Variants in VWC2 observed in about 807,000 individuals in gnomAD.
VWC2 encodes brorin.
VWC2 carries 14 observed loss-of-function variants against 29.8 expected under a neutral mutation model. That is an observed-to-expected ratio of 0.47 (90% confidence interval 0.31 to 0.74). The LOEUF (loss-of-function observed/expected upper bound fraction) is 0.74, where lower values mean the gene tolerates loss of function less well. Among genes scored for constraint, VWC2 ranks in the 30% least tolerant of loss-of-function variants. VWC2 has a pLI of 0.05. For synonymous variants in VWC2, 213 were observed against 199.0 expected (o/e 1.07, Z -0.59); for missense variants, 457 against 459.8 (o/e 0.99, Z 0.05).
intron 3 of VWC2, among the ~76,000 whole-genome samples, chr7:49,880,829 G>A (rs921879548): frequency 2.0e-5 from 3 of 151,938 alleles, no homozygotes; most frequent in Non-Finnish European, 2.9e-5. Context: ...ATTATGCCAC[G>A]GGAAGCTCTT....
At position 49,773,660 on chromosome 7, in the gene VWC2, C is replaced by G; in HGVS notation, c.-557C>G. 1 of 152,752 alleles carries G rather than the reference C, an allele frequency of 6.5e-6. No homozygotes were observed. The highest frequency in any genetic ancestry group is 2.0e-4 in the South Asian group (1 of 5,010). The allele number at this position is 152,752 out of a possible 1,614,324, so 9.5% of individuals were successfully genotyped here. A position where few individuals can be genotyped will look rare whatever the true frequency, so the allele number is the denominator to read the frequency against. Reference sequence around the variant, plus strand: ...GGCGCGCTAGCTCCCATGCTGGCCTCGGTGCCACTCGCGCGCCGGCCGCGC... The same window carrying G: ...GGCGCGCTAGCTCCCATGCTGGCCTGGGTGCCACTCGCGCGCCGGCCGCGC... On this transcript the variant is annotated 5_prime_UTR_variant, in exon 1 of 4. Coordinates refer to ENST00000340652, the MANE Select transcript of VWC2 (RefSeq NM_198570.5).
chr7:49,796,307 C>T (rs1464338385), intron 2 of VWC2, among the ~76,000 whole-genome samples: 1 of 152,174 alleles, frequency 6.6e-6, no homozygotes, highest in Non-Finnish European at 1.5e-5. Context: ...GGTTTTCATG[C>T]CTCCCATTTG....
intron 3 of VWC2, among the ~76,000 whole-genome samples, chr7:49,834,823 G>C (rs1789619856): frequency 6.6e-6 from 1 of 152,150 alleles, no homozygotes; most frequent in Non-Finnish European, 1.5e-5. Context: ...CAGGAAATTT[G>C]GCTGTAAATG....
At chr7:49,903,830 G>A (rs1225519481) in intron 3 of VWC2, among the ~76,000 whole-genome samples, 1 of 152,290 alleles carries the variant, frequency 6.6e-6, no homozygotes, top group Admixed American at 6.5e-5. Flanking sequence ...GAAAGAGAAA[G>A]AACAGCTCTC....
chr7:49,878,763 T>A (rs1225496111), intron 3 of VWC2, among the ~76,000 whole-genome samples: 1 of 152,196 alleles, frequency 6.6e-6, no homozygotes, highest in Non-Finnish European at 1.5e-5. Context: ...TATTTTAATT[T>A]CACATGGGTT....
chr7:49,837,217 T>C (rs1005422765), intron 3 of VWC2, among the ~76,000 whole-genome samples: 1 of 152,354 alleles, frequency 6.6e-6, no homozygotes, highest in East Asian at 1.9e-4. Context: ...AGGGAATATT[T>C]AAATAACCAG....
intron 3 of VWC2, among the ~76,000 whole-genome samples, chr7:49,836,656 AT>A (rs1194218964): frequency 3.3e-5 from 5 of 150,608 alleles, no homozygotes; most frequent in African/African-American, 1.2e-4. Flanking sequence ...AAATAAATAA[AT>A]AAATAAATAA....
intron 2 of VWC2, among the ~76,000 whole-genome samples, chr7:49,788,501 G>T (rs1356064784): frequency 6.6e-6 from 1 of 151,322 alleles, no homozygotes; most frequent in Non-Finnish European, 1.5e-5. Context: ...AAGACAGTGT[G>T]TATGAGTGTG....
intron 2 of VWC2, among the ~76,000 whole-genome samples, chr7:49,799,600 T>G (rs983609304): frequency 2.1e-4 from 32 of 152,244 alleles, no homozygotes; most frequent in Non-Finnish European, 7.3e-5. Context: ...GAGGCCTGAT[T>G]GGCGATCCTA....
intron 3 of VWC2, among the ~76,000 whole-genome samples, chr7:49,887,238 C>T (rs1791942810): frequency 6.6e-6 from 1 of 152,198 alleles, no homozygotes; most frequent in Admixed American, 6.5e-5. Flanking sequence ...CTGACACACA[C>T]TTATTTATTA....
chr7:49,854,034 G>A (rs1790312292), intron 3 of VWC2, among the ~76,000 whole-genome samples: 2 of 151,656 alleles, frequency 1.3e-5, no homozygotes, highest in Non-Finnish European at 2.9e-5. Flanking sequence ...TCCCTGCAAA[G>A]GACATGAACT....
chr7:49,794,388 G>A (rs1562707818), intron 2 of VWC2, among the ~76,000 whole-genome samples: 1 of 152,180 alleles, frequency 6.6e-6, no homozygotes, highest in Non-Finnish European at 1.5e-5. Flanking sequence ...ATTCACAGTT[G>A]AGGACATTGA....
At chr7:49,881,424 G>A (rs1407593670) in intron 3 of VWC2, among the ~76,000 whole-genome samples, 1 of 152,156 alleles carries the variant, frequency 6.6e-6, no homozygotes, top group Non-Finnish European at 1.5e-5. Context: ...TTAATAGAAA[G>A]TTTAAAAAAT....
chr7:49,876,693 TTCC>T (rs1276069389), intron 3 of VWC2, among the ~76,000 whole-genome samples: 1 of 152,160 alleles, frequency 6.6e-6, no homozygotes, highest in East Asian at 1.9e-4. Context: ...AAGATCCCCC[TTCC>T]TCCTCCTTTT....
intron 3 of VWC2, among the ~76,000 whole-genome samples, chr7:49,834,501 G>A (rs1483935699): frequency 6.6e-6 from 1 of 152,182 alleles, no homozygotes; most frequent in Non-Finnish European, 1.5e-5. Context: ...CCACAGATCT[G>A]TTAGTCCTAC....
chr7:49,815,914 C>T (rs148497555), intron 3 of VWC2, among the ~76,000 whole-genome samples: 4,715 of 152,228 alleles, frequency 0.031, 454 homozygotes, highest in Admixed American at 0.18. Context: ...AGGAAAACTT[C>T]CAAAACCATA....
chr7:49,885,140 A>G (rs691458), intron 3 of VWC2, among the ~76,000 whole-genome samples: 117,149 of 151,950 alleles, frequency 0.77, 45,451 homozygotes, highest in East Asian at 0.88. Flanking sequence ...TAAAGGAGAA[A>G]CAGAAAAATA....
intron 3 of VWC2, among the ~76,000 whole-genome samples, chr7:49,812,057 A>G (rs1344617190): frequency 6.6e-6 from 1 of 152,240 alleles, no homozygotes; most frequent in Non-Finnish European, 1.5e-5. Flanking sequence ...GCTGTTGCAA[A>G]AGATTACATA....
At chr7:49,886,865 A>G (rs1791925953) in intron 3 of VWC2, among the ~76,000 whole-genome samples, 1 of 152,122 alleles carries the variant, frequency 6.6e-6, no homozygotes, top group Admixed American at 6.5e-5. Flanking sequence ...AAAAATGTGT[A>G]TGTTTCAATT....
Sources: allele counts gnomAD v4.1 joint callset (sites outside exome capture counted in the v4.1 genomes callset), GRCh38; gene constraint gnomAD v4.1.1; transcripts MANE v1.5; gene names NCBI Gene and HGNC (gene_info 2026-07-23, HGNC 2026-07-21).